CPED1: variants seen among roughly 807,000 people sequenced by gnomAD.
CPED1 encodes the protein cadherin-like and PC-esterase domain-containing protein 1.
Under a neutral mutation model 128.2 loss-of-function variants are expected in CPED1, and 114 were observed. The observed-to-expected ratio is 0.89, with a 90% confidence interval of 0.76 to 1.04. The LOEUF is 1.04. CPED1 is among the 50% of genes least tolerant of loss of function. The pLI, the probability that CPED1 is intolerant of heterozygous loss-of-function variation, is 0.00. For missense variants in CPED1, 1,211 were observed against 1,207.1 expected, an observed-to-expected ratio of 1.00 and a Z score of -0.05; for synonymous variants, 462 against 426.7, an observed-to-expected ratio of 1.08 and a Z score of -1.02.
intron 22 of CPED1, among the ~76,000 whole-genome samples, chr7:121,291,321 T>C (rs1413469890): frequency 1.3e-5 from 2 of 152,228 alleles, no homozygotes; most frequent in African/African-American, 4.8e-5. Flanking sequence ...TAAAGTAGTT[T>C]TCTAATTCTG....
intron 16 of CPED1, among the ~76,000 whole-genome samples, chr7:121,214,270 G>T (rs1049172181): frequency 6.6e-6 from 1 of 151,800 alleles, no homozygotes; most frequent in Non-Finnish European, 1.5e-5. Context: ...GACCTTTAAG[G>T]CTGCTCCTTA....
intron 16 of CPED1, among the ~76,000 whole-genome samples, chr7:121,234,272 C>T (rs1798204654): frequency 1.3e-5 from 2 of 152,062 alleles, no homozygotes; most frequent in South Asian, 4.1e-4. Flanking sequence ...CCCCAGCCTT[C>T]ACCATTTTGT....
intron 16 of CPED1, among the ~76,000 whole-genome samples, chr7:121,167,492 A>G (rs1203604713): frequency 6.6e-6 from 1 of 152,196 alleles, no homozygotes; most frequent in Non-Finnish European, 1.5e-5. Context: ...GTATTCTAAC[A>G]AGGTGAGCAG....
At chr7:121,103,001 AT>A (rs909688935) in intron 7 of CPED1, among the ~76,000 whole-genome samples, 5 of 152,094 alleles carry the variant, frequency 3.3e-5, no homozygotes, top group African/African-American at 4.8e-5. Flanking sequence ...TTTTTAAAGT[AT>A]TTTTCCTCTT....
At chr7:120,996,210 G>A (rs375400354) in intron 2 of CPED1, among the ~76,000 whole-genome samples, 3 of 152,162 alleles carry the variant, frequency 2.0e-5, no homozygotes, top group African/African-American at 4.8e-5. Flanking sequence ...CTTGAGCCAG[G>A]GATGTCAAGG....
At chr7:121,129,336 CGTATATATAT>C (rs1795606064) in intron 11 of CPED1, among the ~76,000 whole-genome samples, 1 of 105,424 alleles carries the variant, frequency 9.5e-6, no homozygotes, top group Non-Finnish European at 2.0e-5. Context: ...TATATATATA[CGTATATATAT>C]ATATACATAC....
chr7:121,128,631 T>C, intron 11 of CPED1, 145 bp downstream of exon 11: 1 of 572,778 alleles, frequency 1.7e-6, no homozygotes, highest in East Asian at 2.8e-5. Context: ...CTTTCAGAGA[T>C]CTAAGTAGCA....
intron 16 of CPED1, among the ~76,000 whole-genome samples, chr7:121,224,276 A>C (rs1311433241): frequency 6.6e-6 from 1 of 152,152 alleles, no homozygotes; most frequent in African/African-American, 2.4e-5. Flanking sequence ...GTTTTGAGTG[A>C]GTTTCTTAAT....
chr7:121,033,192 G>A (rs1316645997), intron 3 of CPED1, among the ~76,000 whole-genome samples: 1 of 152,194 alleles, frequency 6.6e-6, no homozygotes, highest in East Asian at 1.9e-4. Flanking sequence ...CCACTGCTGA[G>A]TGTCTGTCAA....
chr7:121,012,693 T>C (rs1585017232), intron 2 of CPED1, among the ~76,000 whole-genome samples: 1 of 152,222 alleles, frequency 6.6e-6, no homozygotes, highest in East Asian at 1.9e-4. Flanking sequence ...GTTATAAATA[T>C]GACAAGGACA....
At chr7:121,214,669 C>T (rs1797720089) in intron 16 of CPED1, among the ~76,000 whole-genome samples, 2 of 152,042 alleles carry the variant, frequency 1.3e-5, no homozygotes, top group South Asian at 4.1e-4. Context: ...ACTGTCATGT[C>T]GTAGATACAA....
intron 4 of CPED1, chr7:121,061,031 G>A (rs1416004145): frequency 6.6e-6 from 1 of 152,072 alleles, no homozygotes; most frequent in South Asian, 2.1e-4. Flanking sequence ...CTGAGCCAGC[G>A]AGACCACGAA....
chr7:121,053,740 T>C (rs1255625552), intron 4 of CPED1, among the ~76,000 whole-genome samples: 1 of 152,242 alleles, frequency 6.6e-6, no homozygotes, highest in African/African-American at 2.4e-5. Context: ...AATTATTAAT[T>C]GGAATTCTTC....
chr7:121,143,627 TTGTATATTTG>T (rs1017354317), intron 16 of CPED1, among the ~76,000 whole-genome samples: 5 of 152,174 alleles, frequency 3.3e-5, no homozygotes, highest in South Asian at 2.1e-4. Context: ...AGGTGTGCTT[TTGTATATTTG>T]TGTATATTTG....
intron 18 of CPED1, among the ~76,000 whole-genome samples, chr7:121,253,027 G>A: frequency 6.6e-6 from 1 of 151,964 alleles, no homozygotes; most frequent in Non-Finnish European, 1.5e-5. Context: ...GTTTATTGCG[G>A]CACTATTCAC....
At chr7:121,077,397 A>AT (rs11438279) in intron 5 of CPED1, among the ~76,000 whole-genome samples, 15,090 of 152,110 alleles carry the variant, frequency 0.099, 1,332 homozygotes, top group African/African-American at 0.24. Flanking sequence ...TAAGACATTC[A>AT]TATGAAAAGA....
At chr7:121,167,968 C>T (rs1221081956) in intron 16 of CPED1, among the ~76,000 whole-genome samples, 6 of 151,936 alleles carry the variant, frequency 3.9e-5, no homozygotes, top group African/African-American at 1.5e-4. Context: ...CTCCTGACCT[C>T]GTGATCCGCC....
At chr7:121,103,211 C>T (rs1014318949) in intron 7 of CPED1, among the ~76,000 whole-genome samples, 5 of 152,074 alleles carry the variant, frequency 3.3e-5, no homozygotes, top group Admixed American at 6.6e-5. Flanking sequence ...ATGCAAGCTG[C>T]GGTTGTAGCA....
chr7:121,148,349 A>G (rs1378351300), intron 16 of CPED1, among the ~76,000 whole-genome samples: 1 of 152,204 alleles, frequency 6.6e-6, no homozygotes, highest in Non-Finnish European at 1.5e-5. Context: ...AAGCATTTGT[A>G]GAACTTTTGT....
Sources: allele counts gnomAD v4.1 joint callset (sites outside exome capture counted in the v4.1 genomes callset), GRCh38; gene constraint gnomAD v4.1.1; transcripts MANE v1.5; gene names NCBI Gene and HGNC (gene_info 2026-07-23, HGNC 2026-07-21).